Variants in DNAH12 observed in about 807,000 individuals in gnomAD.
DNAH12 encodes axonemal beta dynein heavy chain 12.
DNAH12 carries 285 observed loss-of-function variants against 371.5 expected under a neutral mutation model. That is an observed-to-expected ratio of 0.77 (90% confidence interval 0.70 to 0.85). DNAH12 has a LOEUF of 0.85. DNAH12 is among the 40% of genes least tolerant of loss of function. The pLI, the probability that DNAH12 is intolerant of heterozygous loss-of-function variation, is 0.00. For synonymous variants in DNAH12, 1,200 were observed against 1,213.0 expected (o/e 0.99, Z 0.22); for missense variants, 3,611 against 3,689.4 (o/e 0.98, Z 0.55).
intron 43 of DNAH12, among the ~76,000 whole-genome samples, chr3:57,400,556 GA>G (rs2063836200): frequency 6.6e-6 from 1 of 152,138 alleles, no homozygotes. Flanking sequence ...ACTATGATTA[GA>G]TTAATTAATA....
At chr3:57,333,680 A>G (rs1283699389) in intron 62 of DNAH12, among the ~76,000 whole-genome samples, 2 of 152,138 alleles carry the variant, frequency 1.3e-5, no homozygotes, top group African/African-American at 4.8e-5. Context: ...CATGGGATGG[A>G]CCAAAGACAT....
chr3:57,372,603 G>A (rs1438894107), intron 55 of DNAH12, among the ~76,000 whole-genome samples: 9 of 151,878 alleles, frequency 5.9e-5, no homozygotes, highest in East Asian at 1.9e-4. Flanking sequence ...AGATATTTAC[G>A]CTATATATAT....
At chr3:57,338,875 C>T (rs780917315) in intron 60 of DNAH12, among the ~76,000 whole-genome samples, 10 of 152,218 alleles carry the variant, frequency 6.6e-5, no homozygotes, top group Non-Finnish European at 1.2e-4. Context: ...CCAACAGCTC[C>T]GAAGAGACAA....
At chr3:57,353,344 G>C (rs925364675) in intron 59 of DNAH12, among the ~76,000 whole-genome samples, 1 of 151,580 alleles carries the variant, frequency 6.6e-6, no homozygotes, top group Middle Eastern at 3.2e-3. Context: ...CCAGGCTGGA[G>C]TGCAGTGGCA....
rs917875409 is a variant in DNAH12 at position 57,358,566 on chromosome 3, C to T, written c.9361-1218G>A. The stretch of plus-strand genomic sequence containing the variant: ...TGCAAACAAACTTTCCCCAAAATTA[C>T]ACTGTATAACCACAAATGAACTAAA... On this transcript the variant is annotated intron_variant, in intron 58 of 73. Transcript: ENST00000495027. Among the ~76,000 whole-genome samples the T allele has an allele frequency of 3.6e-3, 549 of 152,194 alleles. 5 individuals carry two copies. The highest frequency in any genetic ancestry group is 0.013 in the African/African-American group (524 of 41,512).
chr3:57,369,878 G>T (rs1414549334), intron 55 of DNAH12, among the ~76,000 whole-genome samples: 1 of 151,886 alleles, frequency 6.6e-6, no homozygotes, highest in Non-Finnish European at 1.5e-5. Flanking sequence ...AAATGTTCTT[G>T]GTTATCCAAT....
At chr3:57,356,704 T>G (rs969248056) in intron 59 of DNAH12, among the ~76,000 whole-genome samples, 30 of 151,966 alleles carry the variant, frequency 2.0e-4, no homozygotes, top group African/African-American at 6.8e-4. Flanking sequence ...TTGATTATCT[T>G]TCATGTCTTT....
At chr3:57,433,330 C>T in intron 32 of DNAH12, 37 bp downstream of exon 32, 5 of 1,531,100 alleles carry the variant, frequency 3.3e-6, no homozygotes, top group African/African-American at 1.4e-5. Flanking sequence ...ATTGCTTAAT[C>T]ATGGCTGAAT....
intron 69 of DNAH12, among the ~76,000 whole-genome samples, chr3:57,303,414 C>CT (rs769186872): frequency 0.012 from 1,453 of 123,566 alleles, 14 homozygotes; most frequent in Admixed American, 0.014. Flanking sequence ...TTTTCTTTTT[C>CT]TTTTTTTTTT....
chr3:57,353,068 G>A (rs2062720149), intron 59 of DNAH12, among the ~76,000 whole-genome samples: 1 of 151,988 alleles, frequency 6.6e-6, no homozygotes, highest in African/African-American at 2.4e-5. Flanking sequence ...CCTGGGTAAT[G>A]GAATGAGACT....
Position 57,407,092 on chromosome 3 carries a change from T to C in DNAH12, c.6277-1140A>G, listed in dbSNP as rs532982419. The stretch of plus-strand genomic sequence containing the variant: ...TTTTGTATTTTTAGTAGAGACAGGG[T>C]TTCACCATGTTGGCCAGGATGGTCT... On this transcript the variant is annotated intron_variant, in intron 40 of 73. Transcript: ENST00000495027. Among the ~76,000 whole-genome samples, 424 of 152,038 alleles carry C rather than the reference T, an allele frequency of 2.8e-3. 5 individuals carry two copies. Among genetic ancestry groups the C allele is most frequent in the African/African-American group, 9.7e-3 (402 of 41,468 alleles).
chr3:57,548,579 A>G (rs1029855835), upstream of DNAH12, among the ~76,000 whole-genome samples: 4 of 152,054 alleles, frequency 2.6e-5, no homozygotes. Flanking sequence ...GGTGGTGTGC[A>G]CTTGTGGGCC....
chr3:57,422,147 C>T (rs2064607110), intron 35 of DNAH12, among the ~76,000 whole-genome samples: 3 of 151,854 alleles, frequency 2.0e-5, no homozygotes, highest in Admixed American at 2.0e-4. Flanking sequence ...CTCCTAGACT[C>T]AGCAATCTAC....
intron 63 of DNAH12, 46 bp downstream of exon 63, chr3:57,323,423 A>G: frequency 6.7e-7 from 1 of 1,493,042 alleles, no homozygotes; most frequent in Non-Finnish European, 8.9e-7. Context: ...ATTGAGCAAG[A>G]TGTTTTATTT....
chr3:57,391,974 ATTATCT>A lies in DNAH12; in HGVS notation c.7197_7202del (p.Lys2399_Asp2400del), dbSNP rs2063633280. On this transcript the variant is annotated inframe_deletion, in exon 45 of 74. Coordinates refer to ENST00000495027, the MANE Select transcript of DNAH12 (RefSeq NM_001366028.2). ...GGCTAAAGGCCACCACGACATGAAG[ATTATCT>A]TTGCAGCGATTCACAAAGAAAGCAA... The A allele has an allele frequency of 6.6e-6, 1 of 152,350 alleles. No individual in the cohort carries two copies. 9.4% of individuals were successfully genotyped at this position (152,350 alleles called of 1,614,324 possible).
At chr3:57,531,236 T>C (rs968729804) in intron 2 of DNAH12, among the ~76,000 whole-genome samples, 1 of 152,208 alleles carries the variant, frequency 6.6e-6, no homozygotes, top group African/African-American at 2.4e-5. Flanking sequence ...TAGCTTTTGT[T>C]TGTCTAGGAA....
At chr3:57,406,068 G>T in intron 40 of DNAH12, 116 bp from the exon 41 acceptor site, 1 of 1,164,726 alleles carries the variant, frequency 8.6e-7, no homozygotes, top group Non-Finnish European at 1.2e-6. Flanking sequence ...ATATGGGCTT[G>T]GGCTGGGCGC....
At chr3:57,413,161 A>T (rs559871550) in intron 39 of DNAH12, among the ~76,000 whole-genome samples, 1 of 152,322 alleles carries the variant, frequency 6.6e-6, no homozygotes, top group African/African-American at 2.4e-5. Flanking sequence ...TCAAATGCAT[A>T]TTACTAAATG....
At chr3:57,352,267 A>G in intron 59 of DNAH12, 42 bp from the exon 60 acceptor site, 2 of 1,495,056 alleles carry the variant, frequency 1.3e-6, no homozygotes, top group Non-Finnish European at 1.8e-6. Flanking sequence ...AAACAAAACT[A>G]AGAAAATATA....
Sources: gnomAD v4.1 joint callset for allele counts (sites outside exome capture counted in the v4.1 genomes callset) on GRCh38, gnomAD v4.1.1 for gene constraint, MANE v1.5 for transcripts, NCBI Gene and HGNC (gene_info 2026-07-23, HGNC 2026-07-21) for gene names.